SAXO5: variants seen among roughly 807,000 people sequenced by gnomAD.
SAXO5 encodes stabilizer of axonemal microtubules 5, also known as testis expressed 45.
the SAXO5 span, among the ~76,000 whole-genome samples, chr19:7,503,235 T>G: frequency 6.6e-6 from 1 of 151,976 alleles, no homozygotes; most frequent in Non-Finnish European, 1.5e-5. Context: ...TGGTGGTGCG[T>G]TCCTGTAATC....
chr19:7,505,996 C>T, the SAXO5 span: 4 of 1,597,370 alleles, frequency 2.5e-6, no homozygotes, highest in Non-Finnish European at 3.4e-6. Context: ...CCAGCCGCCA[C>T]GTGCCTCATG....
the SAXO5 span, chr19:7,500,904 C>A: frequency 4.4e-6 from 7 of 1,581,424 alleles, no homozygotes; most frequent in African/African-American, 8.3e-5. Context: ...GCACTTCTCG[C>A]TGGGGCCTGA....
the SAXO5 span, chr19:7,507,075 G>C: frequency 6.2e-7 from 1 of 1,614,080 alleles, no homozygotes; most frequent in Middle Eastern, 1.6e-4. Flanking sequence ...TTTTAACCAT[G>C]AACCAGAAGA....
At chr19:7,504,938 C>T in the SAXO5 span, among the ~76,000 whole-genome samples, 4 of 151,628 alleles carry the variant, frequency 2.6e-5, no homozygotes, top group Admixed American at 2.6e-4. Flanking sequence ...CTGGGGGTTG[C>T]AAGGCCCCAG....
the SAXO5 span, among the ~76,000 whole-genome samples, chr19:7,498,160 C>A: frequency 0.22 from 30,085 of 135,830 alleles, 3,189 homozygotes; most frequent in South Asian, 0.27. Context: ...TTAAAACACA[C>A]ACACACACAT....
the SAXO5 span, chr19:7,501,068 G>A: frequency 1.5e-4 from 221 of 1,501,524 alleles, 2 homozygotes; most frequent in South Asian, 2.6e-3. Flanking sequence ...TGTCGGAGGC[G>A]CACCGCGCGT....
At chr19:7,498,618 A>G in the SAXO5 span, among the ~76,000 whole-genome samples, 1 of 151,588 alleles carries the variant, frequency 6.6e-6, no homozygotes, top group Non-Finnish European at 1.5e-5. Context: ...CTGGTCTTGA[A>G]CTCCGACCTC....
the SAXO5 span, among the ~76,000 whole-genome samples, chr19:7,498,430 C>T: frequency 1.6e-5 from 2 of 125,258 alleles, no homozygotes; most frequent in East Asian, 2.3e-4. Context: ...GAGTTTCGCT[C>T]TTGTTGCCCA....
the SAXO5 span, among the ~76,000 whole-genome samples, chr19:7,503,148 C>T: frequency 2.0e-5 from 3 of 152,174 alleles, no homozygotes; most frequent in East Asian, 1.9e-4. Context: ...GGATCACTTG[C>T]GGCCAGGAGT....
chr19:7,508,236 G>T, the SAXO5 span: 2 of 1,614,010 alleles, frequency 1.2e-6, no homozygotes, highest in South Asian at 1.1e-5. Context: ...GCCCCCTCTG[G>T]GTGGACTGCG....
chr19:7,507,939 C>A, the SAXO5 span, among the ~76,000 whole-genome samples: 1 of 152,192 alleles, frequency 6.6e-6, no homozygotes, highest in African/African-American at 2.4e-5. Context: ...AACCCCAACT[C>A]CGCCCCTGGA....
chr19:7,501,235 C>G, the SAXO5 span: 1 of 1,554,324 alleles, frequency 6.4e-7, no homozygotes, highest in South Asian at 1.2e-5. Context: ...CCCGAGCTGC[C>G]GGCGCGCACC....
the SAXO5 span, among the ~76,000 whole-genome samples, chr19:7,502,610 A>G: frequency 0.04 from 6,080 of 152,148 alleles, 359 homozygotes; most frequent in African/African-American, 0.13. Flanking sequence ...AGAGTGGTGC[A>G]TGGTTGGCAG....
the SAXO5 span, chr19:7,505,556 A>G: frequency 1.2e-6 from 2 of 1,614,036 alleles, no homozygotes; most frequent in African/African-American, 1.3e-5. Flanking sequence ...CCGGAGTCGC[A>G]CATCCTGAAA....
the SAXO5 span, among the ~76,000 whole-genome samples, chr19:7,498,593 T>A: frequency 3.9e-5 from 6 of 151,948 alleles, no homozygotes; most frequent in Non-Finnish European, 8.8e-5. Flanking sequence ...ATGGGGTTTC[T>A]CCATGTTGGT....
chr19:7,504,846 C>CA, the SAXO5 span, among the ~76,000 whole-genome samples: 1,209 of 152,254 alleles, frequency 7.9e-3, 23 homozygotes, highest in African/African-American at 0.027. Flanking sequence ...CACTGGTAGC[C>CA]AAGGTGCACT....
the SAXO5 span, among the ~76,000 whole-genome samples, chr19:7,503,553 C>T: frequency 7.3e-4 from 111 of 151,998 alleles, no homozygotes; most frequent in African/African-American, 2.2e-3. Context: ...GGCACGATCT[C>T]GGCTCACTGC....
chr19:7,507,248 C>T, the SAXO5 span: 30 of 991,610 alleles, frequency 3.0e-5, no homozygotes, highest in Non-Finnish European at 4.6e-5. Flanking sequence ...TAGTGATCAC[C>T]CAGGCTCGGG....
chr19:7,499,090 T>C, the SAXO5 span: 2 of 152,248 alleles, frequency 1.3e-5, no homozygotes, highest in Non-Finnish European at 2.9e-5. Context: ...GGCAGACAGA[T>C]CACTTGAGGT....
Sources: allele counts gnomAD v4.1 joint callset (sites outside exome capture counted in the v4.1 genomes callset), GRCh38; gene constraint gnomAD v4.1.1; transcripts MANE v1.5; gene names NCBI Gene and HGNC (gene_info 2026-07-23, HGNC 2026-07-21).